The following NAALADL2 variants were observed in gnomAD, a reference collection of about 807,000 sequenced individuals.
The protein encoded by NAALADL2 is inactive N-acetylated-alpha-linked acidic dipeptidase-like protein 2.
In NAALADL2, 76 loss-of-function variants were observed where a neutral mutation model predicts 87.2. The ratio of observed to expected loss-of-function variants is 0.87; its 90% CI spans 0.72 to 1.05. The LOEUF is 1.05. Among genes scored for constraint, NAALADL2 ranks in the 50% least tolerant of loss-of-function variants. The probability of loss-of-function intolerance (pLI) is 0.00; values close to 1 mark genes in which losing one functional copy is unlikely to be tolerated. For missense variants in NAALADL2, 1,089 were observed against 945.8 expected (o/e 1.15, Z -1.99); for synonymous variants, 354 against 331.0 (o/e 1.07, Z -0.75).
At chr3:174,738,471 G>A (rs1002520078) in intron 3 of NAALADL2, among the ~76,000 whole-genome samples, 1 of 152,162 alleles carries the variant, frequency 6.6e-6, no homozygotes, top group Non-Finnish European at 1.5e-5. Context: ...CTATGCCTTG[G>A]AGGGTCAGGC....
chr3:175,226,192 T>C (rs1376386697), intron 2 of NAALADL2, among the ~76,000 whole-genome samples: 1 of 152,118 alleles, frequency 6.6e-6, no homozygotes, highest in African/African-American at 2.4e-5. Context: ...GAGAGACTAT[T>C]ACGTTCTCTG....
At position 175,698,610 on chromosome 3, in the gene NAALADL2, A is replaced by G. The variant is rs569194809; in HGVS notation, c.1897-38696A>G. 2.7e-5 allele frequency among the ~76,000 whole-genome samples: 4 copies of G among 150,438 alleles called. No individual in the cohort carries two copies. In the South Asian group the frequency reaches 8.3e-4, roughly 31 times the overall value. ...GACTGTTATATCATTAAAGAGTTCA[A>G]TACAGCCCACCTTTTTGATATTATA... On this transcript the variant is annotated intron_variant, in intron 11 of 13. Transcript: ENST00000454872.
chr3:175,749,528 T>C (rs1746367821), intron 12 of NAALADL2, among the ~76,000 whole-genome samples: 1 of 151,818 alleles, frequency 6.6e-6, no homozygotes, highest in African/African-American at 2.4e-5. Flanking sequence ...GAACACTGTT[T>C]CCAACATGGC....
chr3:175,781,240 G>A (rs917439842), intron 13 of NAALADL2, among the ~76,000 whole-genome samples: 1 of 152,112 alleles, frequency 6.6e-6, no homozygotes, highest in Non-Finnish European at 1.5e-5. Flanking sequence ...ATTTTGATGA[G>A]TGTGTCTAAG....
At chr3:175,320,152 A>G (rs540197352) in intron 4 of NAALADL2, among the ~76,000 whole-genome samples, 2 of 152,342 alleles carry the variant, frequency 1.3e-5, no homozygotes, top group African/African-American at 4.8e-5. Context: ...TGAAAAACTA[A>G]TAGAATTAGC....
At chr3:175,175,165 A>G (rs2108944947) in intron 2 of NAALADL2, among the ~76,000 whole-genome samples, 1 of 152,184 alleles carries the variant, frequency 6.6e-6, no homozygotes, top group East Asian at 1.9e-4. Flanking sequence ...GTGCAGAGCT[A>G]AAATAATCAA....
chr3:174,926,784 G>A (rs530561865), intron 1 of NAALADL2, among the ~76,000 whole-genome samples: 16 of 152,286 alleles, frequency 1.1e-4, no homozygotes, highest in Admixed American at 4.6e-4. Context: ...ATGCTAGGAA[G>A]AAACTGCATC....
chr3:174,929,576 ATAT>A (rs201350193), intron 1 of NAALADL2, among the ~76,000 whole-genome samples: 2,203 of 152,250 alleles, frequency 0.014, 24 homozygotes, highest in Middle Eastern at 0.02. Flanking sequence ...GCTATGATAC[ATAT>A]TATTATGAAA....
chr3:174,879,711 C>T (rs1277208080), intron 1 of NAALADL2, among the ~76,000 whole-genome samples: 2 of 151,850 alleles, frequency 1.3e-5, no homozygotes, highest in Non-Finnish European at 2.9e-5. Context: ...AACTACAGTC[C>T]CATTTTTCTT....
intron 2 of NAALADL2, among the ~76,000 whole-genome samples, chr3:174,682,240 G>A (rs1211176164): frequency 6.6e-6 from 1 of 152,210 alleles, no homozygotes; most frequent in Non-Finnish European, 1.5e-5. Context: ...AGCTGCAGTA[G>A]ATAGAACATG....
At chr3:174,895,258 C>G (rs1731365547) in intron 1 of NAALADL2, among the ~76,000 whole-genome samples, 1 of 149,996 alleles carries the variant, frequency 6.7e-6, no homozygotes, top group Non-Finnish European at 1.5e-5. Context: ...TTTTTGAAAA[C>G]TTAAAAAAAA....
At chr3:174,661,561 T>C (rs1164402661) in intron 2 of NAALADL2, among the ~76,000 whole-genome samples, 2 of 152,160 alleles carry the variant, frequency 1.3e-5, no homozygotes, top group Admixed American at 1.3e-4. Flanking sequence ...TTCTTTCTTC[T>C]TTCTTCGTCT....
intron 3 of NAALADL2, among the ~76,000 whole-genome samples, chr3:174,754,812 C>T (rs184486548): frequency 1.3e-5 from 2 of 152,302 alleles, no homozygotes; most frequent in East Asian, 3.9e-4. Context: ...AGAGCTGACA[C>T]TCTCATTAAT....
intron 5 of NAALADL2, among the ~76,000 whole-genome samples, chr3:175,407,453 A>G (rs1259885550): frequency 2.0e-5 from 3 of 152,132 alleles, no homozygotes; most frequent in African/African-American, 7.2e-5. Flanking sequence ...AGCACTCTAT[A>G]TGTTTTATAT....
chr3:175,330,796 TAATA>T (rs1761304328), intron 5 of NAALADL2, among the ~76,000 whole-genome samples: 1 of 151,636 alleles, frequency 6.6e-6, no homozygotes, highest in Admixed American at 6.6e-5. Flanking sequence ...ATGAAACAAA[TAATA>T]AAATATCAGA....
intron 2 of NAALADL2, among the ~76,000 whole-genome samples, chr3:174,551,840 G>A (rs1712163070): frequency 6.6e-6 from 1 of 152,154 alleles, no homozygotes; most frequent in African/African-American, 2.4e-5. Flanking sequence ...TTGATATTCA[G>A]TGGAAGATAC....
At chr3:174,558,629 G>C (rs556855014) in intron 2 of NAALADL2, among the ~76,000 whole-genome samples, 1 of 152,180 alleles carries the variant, frequency 6.6e-6, no homozygotes, top group African/African-American at 2.4e-5. Context: ...TGATCTGGCA[G>C]GGGGAGAAGC....
intron 10 of NAALADL2, among the ~76,000 whole-genome samples, chr3:175,618,954 C>T (rs1725762043): frequency 6.6e-6 from 1 of 152,188 alleles, no homozygotes; most frequent in African/African-American, 2.4e-5. Flanking sequence ...CTCACCTGGG[C>T]TGTGCCCTAG....
chr3:175,203,019 C>T (rs557901616), intron 2 of NAALADL2, among the ~76,000 whole-genome samples: 9 of 152,094 alleles, frequency 5.9e-5, no homozygotes, highest in South Asian at 4.1e-4. Flanking sequence ...AGGTGGTGGA[C>T]GAGATGGACT....
Sources: gnomAD v4.1 joint callset for allele counts (sites outside exome capture counted in the v4.1 genomes callset) on GRCh38, gnomAD v4.1.1 for gene constraint, MANE v1.5 for transcripts, NCBI Gene and HGNC (gene_info 2026-07-23, HGNC 2026-07-21) for gene names.